Variants in EIF4G3 observed in about 807,000 individuals in gnomAD.
The protein encoded by EIF4G3 is eukaryotic translation initiation factor 4 gamma 3.
EIF4G3 carries 34 observed loss-of-function variants against 186.4 expected under a neutral mutation model. The ratio of observed to expected loss-of-function variants is 0.18; its 90% CI spans 0.14 to 0.24. The LOEUF (loss-of-function observed/expected upper bound fraction) is 0.24. Ranked by LOEUF, EIF4G3 falls within the 10% of genes least tolerant of loss-of-function variation. The pLI is 1.00. For synonymous variants in EIF4G3, 673 were observed against 679.5 expected (o/e 0.99, Z 0.15); for missense variants, 1,536 against 1,948.5 (o/e 0.79, Z 3.99).
intron 12 of EIF4G3, among the ~76,000 whole-genome samples, chr1:20,969,116 G>A (rs912561097): frequency 5.3e-5 from 8 of 152,066 alleles, no homozygotes; most frequent in African/African-American, 1.7e-4. Flanking sequence ...GTTAACAAAA[G>A]GTGCAGCACT....
chr1:21,133,041 C>G (rs1239986052), intron 2 of EIF4G3, among the ~76,000 whole-genome samples: 1 of 152,222 alleles, frequency 6.6e-6, no homozygotes, highest in African/African-American at 2.4e-5. Flanking sequence ...ACCTCGGCCT[C>G]CCCAAGTGCT....
chr1:20,820,201 G>C (rs2061986634), intron 33 of EIF4G3, among the ~76,000 whole-genome samples: 1 of 152,104 alleles, frequency 6.6e-6, no homozygotes, highest in Non-Finnish European at 1.5e-5. Flanking sequence ...CTCCCCTCCT[G>C]GGTGCTGTCG....
intron 30 of EIF4G3, among the ~76,000 whole-genome samples, chr1:20,836,769 A>C (rs1219681224): frequency 6.6e-6 from 1 of 152,202 alleles, no homozygotes; most frequent in Non-Finnish European, 1.5e-5. Flanking sequence ...AAGTCATTCC[A>C]GTTCTGTGAC....
chr1:21,030,042 G>T (rs2092594774), intron 4 of EIF4G3, among the ~76,000 whole-genome samples: 1 of 151,982 alleles, frequency 6.6e-6, no homozygotes, highest in African/African-American at 2.4e-5. Context: ...ATTTTTTGTG[G>T]AGACAGGGTC....
intron 14 of EIF4G3, among the ~76,000 whole-genome samples, chr1:20,925,726 G>T (rs962835519): frequency 3.3e-5 from 5 of 152,136 alleles, no homozygotes; most frequent in Non-Finnish European, 7.3e-5. Context: ...TAGAGAAAGG[G>T]TCTCTCTGTT....
chr1:20,862,210 AT>A lies in EIF4G3; in HGVS notation c.3111+17del. 14 of 1,300,744 alleles carry A rather than the reference AT, an allele frequency of 1.1e-5. No individual in the cohort carries two copies. The highest frequency in any genetic ancestry group is 1.5e-5 in the African/African-American group (1 of 67,702). The allele number at this position is 1,300,744 out of a possible 1,614,324, so 80.6% of individuals were successfully genotyped here. ...AGACTGGACCAGCAGGCTTATTATTATTTTTTTTCCCACTCACCAGCCTTAG... is the reference window on the plus strand; with the variant it reads ...AGACTGGACCAGCAGGCTTATTATTATTTTTTTCCCACTCACCAGCCTTAG... On this transcript the variant is annotated intron_variant, in intron 23 of 36. Coordinates refer to ENST00000602326, the MANE Select transcript of EIF4G3 (RefSeq NM_001391906.1).
At chr1:20,930,164 G>C (rs1281979323) in intron 14 of EIF4G3, among the ~76,000 whole-genome samples, 1 of 152,122 alleles carries the variant, frequency 6.6e-6, no homozygotes, top group Non-Finnish European at 1.5e-5. Context: ...TCTTTTTGTT[G>C]GTGGAGGTTC....
chr1:21,016,491 A>G (rs2089099244), intron 4 of EIF4G3, among the ~76,000 whole-genome samples: 1 of 152,072 alleles, frequency 6.6e-6, no homozygotes, highest in African/African-American at 2.4e-5. Context: ...TTGGAGACCA[A>G]CTTGGTCAAC....
At chr1:20,827,551 C>T in intron 32 of EIF4G3, 66 bp downstream of exon 32, 1 of 1,018,356 alleles carries the variant, frequency 9.8e-7, no homozygotes, top group Non-Finnish European at 1.5e-6. Context: ...TCACAGATAA[C>T]CCAAGATCAA....
intron 2 of EIF4G3, among the ~76,000 whole-genome samples, chr1:21,163,377 A>G (rs1489610523): frequency 1.3e-5 from 2 of 152,266 alleles, no homozygotes; most frequent in East Asian, 3.8e-4. Flanking sequence ...AAGATCAACA[A>G]TGTAACACAG....
intron 2 of EIF4G3, among the ~76,000 whole-genome samples, chr1:21,134,114 A>C (rs1239878100): frequency 1.3e-5 from 2 of 152,200 alleles, no homozygotes; most frequent in Admixed American, 6.5e-5. Flanking sequence ...GCCCTTTATA[A>C]GATTAAAATC....
chr1:21,176,593 TCCG>T (rs901105837), intron 1 of EIF4G3, 126 bp downstream of exon 1: 135 of 153,066 alleles, frequency 8.8e-4, no homozygotes, highest in Middle Eastern at 3.4e-3. Flanking sequence ...CGCCGCCGCC[TCCG>T]CCGCCGCCGC....
chr1:20,836,171 T>C (rs891604244), intron 30 of EIF4G3, among the ~76,000 whole-genome samples: 29 of 152,098 alleles, frequency 1.9e-4, no homozygotes, highest in African/African-American at 5.6e-4. Flanking sequence ...TTGGTAGAGA[T>C]AGGGTTTCAC....
At position 20,825,119 on chromosome 1, in the gene EIF4G3, T is replaced by G. The variant is rs2063277570; in HGVS notation, c.4349A>C (p.His1450Pro). The G allele has an allele frequency of 1.2e-6, 2 of 1,612,220 alleles. No individual in the cohort carries two copies. The highest frequency in any genetic ancestry group is 1.7e-6 in the Non-Finnish European group (2 of 1,179,156). Residue 1450 changes from histidine (H) to proline (P), a missense_variant, in exon 33 of 37, where the codon CAT (histidine) becomes CCT (proline). This residue lies in a region of EIF4G3 where 395 missense variants were observed against 498.9 expected (regional missense o/e 0.79). Transcript: ENST00000602326. The stretch of plus-strand genomic sequence containing the variant: ...TCTTACCTGCTCCAAAAGAAAATTA[T>G]GTACATCTTCTCCTTCTGGTAAAAA... ...KDFLPEGEDV[H>P]NFLLEQKLDF... is the part of the protein sequence containing the mutation.
intron 2 of EIF4G3, among the ~76,000 whole-genome samples, chr1:21,123,753 T>G (rs994507380): frequency 2.0e-5 from 3 of 152,198 alleles, no homozygotes; most frequent in Middle Eastern, 3.4e-3. Context: ...CTTCCTAGAT[T>G]ATGATTAAGT....
intron 32 of EIF4G3, 32 bp downstream of exon 32, chr1:20,827,585 C>T (rs1374578811): frequency 6.5e-6 from 9 of 1,375,670 alleles, no homozygotes; most frequent in Middle Eastern, 3.6e-4. Context: ...CCTAATAATA[C>T]TGTTGAGTCT....
intron 13 of EIF4G3, among the ~76,000 whole-genome samples, chr1:20,947,486 G>A (rs563954511): frequency 6.6e-6 from 1 of 151,020 alleles, no homozygotes; most frequent in South Asian, 2.1e-4. Context: ...TTTAGCTATC[G>A]GCAGGCTATG....
intron 14 of EIF4G3, among the ~76,000 whole-genome samples, chr1:20,919,465 G>A (rs930124537): frequency 5.9e-5 from 9 of 152,030 alleles, no homozygotes; most frequent in African/African-American, 1.5e-4. Context: ...TTGACCTCCC[G>A]TAGTGATGGG....
chr1:21,161,041 C>T (rs933401981), intron 2 of EIF4G3, among the ~76,000 whole-genome samples: 4 of 152,024 alleles, frequency 2.6e-5, no homozygotes, highest in African/African-American at 9.7e-5. Context: ...AGCAGTAGTG[C>T]ACACCTATAA....
Sources: allele counts gnomAD v4.1 joint callset (sites outside exome capture counted in the v4.1 genomes callset), GRCh38; gene constraint gnomAD v4.1.1; regional missense constraint gnomAD v4.1.1; transcripts MANE v1.5; gene names NCBI Gene and HGNC (gene_info 2026-07-23, HGNC 2026-07-21).